Variants in PNPLA8 observed in about 807,000 individuals in gnomAD.
PNPLA8 encodes the protein patatin like domain 8, phospholipase A2.
A neutral mutation model predicts 76.9 loss-of-function variants in PNPLA8; 39 were observed. The ratio of observed to expected loss-of-function variants is 0.51; its 90% CI spans 0.39 to 0.66. The LOEUF (loss-of-function observed/expected upper bound fraction) is 0.66. PNPLA8 is among the 30% of genes least tolerant of loss of function. PNPLA8 has a pLI of 0.00. For missense variants in PNPLA8, 887 were observed against 918.0 expected (o/e 0.97, Z 0.44); for synonymous variants, 301 against 307.9 (o/e 0.98, Z 0.24).
Position 108,514,942 on chromosome 7 carries a change from T to A in PNPLA8, c.550A>T (p.Ile184Leu). 1 of 1,609,736 alleles carries A rather than the reference T, an allele frequency of 6.2e-7. No individual in the cohort carries two copies. Among genetic ancestry groups the A allele is most frequent in the Non-Finnish European group, 8.5e-7 (1 of 1,179,168 alleles). Residue 184 changes from isoleucine (I) to leucine (L), a missense_variant, in exon 3 of 11, where the codon ATA (isoleucine) becomes TTA (leucine). Coordinates refer to ENST00000257694, the MANE Select transcript of PNPLA8 (RefSeq NM_001256007.3). ...KSHIIDKEED[I>L]GKRSLFHYTS... ...TAATGAAAAAGACTGCGTTTACCTA[T>A]ATCTTCTTCTTTGTCTATAATGTGA...
chr7:108,482,248 A>G (rs1180120996), intron 9 of PNPLA8, among the ~76,000 whole-genome samples: 1 of 152,164 alleles, frequency 6.6e-6, no homozygotes. Context: ...AGGCAGGTGG[A>G]TTGCCTGAGC....
At chr7:108,487,651 GAAGA>G (rs753693220) in intron 9 of PNPLA8, 104 bp downstream of exon 9, 9 of 548,476 alleles carry the variant, frequency 1.6e-5, no homozygotes, top group South Asian at 4.3e-5. Flanking sequence ...AAGACACAAA[GAAGA>G]AAGTCTCCTA....
chr7:108,504,250 C>A lies in PNPLA8; in HGVS notation c.1207-1608G>T, dbSNP rs75868008. 9.8e-3 allele frequency among the ~76,000 whole-genome samples: 1,499 copies of A among 152,212 alleles called. 9 individuals carry two copies. The highest frequency in any genetic ancestry group is 0.015 in the Non-Finnish European group (1,011 of 68,016). ...ATGCAATTTTTTAAACTTACAATGT[C>A]CAGCATCCAGAAAAACTATAACGTA... On this transcript the variant is annotated intron_variant, in intron 4 of 10. Transcript: ENST00000257694.
chr7:108,502,670 G>T, intron 4 of PNPLA8, 28 bp from the exon 5 acceptor site: 1 of 1,563,254 alleles, frequency 6.4e-7, no homozygotes, highest in Non-Finnish European at 8.8e-7. Context: ...ATACTTTGTT[G>T]CTTTTGTCAA....
Position 108,516,122 on chromosome 7 carries a change from A to C in PNPLA8, c.-83-548T>G, listed in dbSNP as rs977324924. ...AAAAGATTTCACTACCTAAGTAATAAGTGCTCATTAAATCAAGTAAGTCAG... is the reference window on the plus strand; with the variant it reads ...AAAAGATTTCACTACCTAAGTAATACGTGCTCATTAAATCAAGTAAGTCAG... On this transcript the variant is annotated intron_variant, in intron 2 of 10. Coordinates refer to ENST00000257694, the MANE Select transcript of PNPLA8 (RefSeq NM_001256007.3). 4.4e-4 allele frequency among the ~76,000 whole-genome samples: 67 copies of C among 152,378 alleles called. 1 individual carries two copies. Among genetic ancestry groups the C allele is most frequent in the Middle Eastern group, 3.4e-3 (1 of 294 alleles).
intron 4 of PNPLA8, among the ~76,000 whole-genome samples, chr7:108,505,828 C>A (rs945519313): frequency 6.6e-5 from 10 of 152,176 alleles, no homozygotes; most frequent in South Asian, 6.2e-4. Flanking sequence ...ATTTGTAAGA[C>A]ATACACATAC....
chr7:108,518,756 T>TACAC (rs1478315521), intron 2 of PNPLA8, among the ~76,000 whole-genome samples: 10 of 126,086 alleles, frequency 7.9e-5, no homozygotes, highest in African/African-American at 3.1e-4. Context: ...TATATATATA[T>TACAC]ATACACACAC....
intron 4 of PNPLA8, among the ~76,000 whole-genome samples, chr7:108,513,805 G>A (rs996690872): frequency 1.3e-5 from 2 of 152,090 alleles, no homozygotes; most frequent in African/African-American, 4.8e-5. Flanking sequence ...TATGAATTAT[G>A]TCTCCTATCT....
At chr7:108,498,219 A>G (rs1039794968) in intron 5 of PNPLA8, among the ~76,000 whole-genome samples, 1 of 151,360 alleles carries the variant, frequency 6.6e-6, no homozygotes, top group African/African-American at 2.4e-5. Context: ...CTCTCTTACT[A>G]ACATAGTTGG....
chr7:108,480,757 C>A (rs552495220), intron 9 of PNPLA8: 3 of 401,312 alleles, frequency 7.5e-6, no homozygotes, highest in Non-Finnish European at 1.5e-5. Context: ...TCAGATTATA[C>A]AGTAAAATTA....
At chr7:108,503,274 A>AAG (rs1563964584) in intron 4 of PNPLA8, among the ~76,000 whole-genome samples, 1 of 152,196 alleles carries the variant, frequency 6.6e-6, no homozygotes, top group African/African-American at 2.4e-5. Context: ...CTTACCAAAG[A>AAG]TTCTCTAGCT....
Position 108,493,760 on chromosome 7 carries a change from G to A in PNPLA8, c.1626-2293C>T, listed in dbSNP as rs1400647148. Among the ~76,000 whole-genome samples, 3 of 151,514 alleles carry A rather than the reference G, an allele frequency of 2.0e-5. No homozygotes were observed. In the East Asian group the frequency reaches 5.8e-4, roughly 29 times the overall value. ...CCACAAAATAAGTGATACATTTCAT[G>A]TAATTTCCATCCAAATACCAGTGGA... is the stretch of plus-strand genomic sequence containing the variant. On this transcript the variant is annotated intron_variant, in intron 7 of 10. Transcript: ENST00000257694.
In PNPLA8 at chr7:108,470,463, G is replaced by A. The variant is rs1416482605; in HGVS notation, c.*1938C>T. ...ATTATTTAAGAAAGAAATAAGCCAAGCACAAATAAGGGACATACTTAACTT... is the reference window on the plus strand; with the variant it reads ...ATTATTTAAGAAAGAAATAAGCCAAACACAAATAAGGGACATACTTAACTT... On this transcript the variant is annotated 3_prime_UTR_variant, in exon 11 of 11. Transcript: ENST00000257694. 3 of 150,084 alleles carry A rather than the reference G, an allele frequency of 2.0e-5. No homozygotes were observed. The Admixed American group carries it at 2.0e-4, about 10-fold the overall frequency. 9.3% of individuals were successfully genotyped at this position (150,084 alleles called of 1,614,324 possible). A position where few individuals can be genotyped will look rare whatever the true frequency, so the allele number is the denominator to read the frequency against.
At chr7:108,523,921 G>A (rs146416408) in intron 1 of PNPLA8, among the ~76,000 whole-genome samples, 133 of 152,312 alleles carry the variant, frequency 8.7e-4, no homozygotes, top group African/African-American at 3.0e-3. Context: ...GGTAAAGAGA[G>A]GGAAGTGTTA....
At chr7:108,500,514 A>C (rs1291240716) in intron 5 of PNPLA8, among the ~76,000 whole-genome samples, 1 of 152,186 alleles carries the variant, frequency 6.6e-6, no homozygotes, top group Non-Finnish European at 1.5e-5. Context: ...TTTCCTCAAC[A>C]CCAATCTGTT....
chr7:108,490,509 C>T (rs960315060), intron 8 of PNPLA8, among the ~76,000 whole-genome samples: 4 of 152,164 alleles, frequency 2.6e-5, no homozygotes, highest in Admixed American at 6.5e-5. Flanking sequence ...GAAGGCTGGG[C>T]GCGGTGGCTC....
At chr7:108,511,040 GA>G (rs60102827) in intron 4 of PNPLA8, 34,954 of 353,198 alleles carry the variant, frequency 0.099, 83 homozygotes, top group Non-Finnish European at 0.11. Flanking sequence ...TCTCAAATTG[GA>G]AAAAAAAAAA....
intron 1 of PNPLA8, among the ~76,000 whole-genome samples, chr7:108,524,217 G>A (rs1863930505): frequency 6.6e-6 from 1 of 152,152 alleles, no homozygotes; most frequent in Non-Finnish European, 1.5e-5. Context: ...CCTGAGTAAA[G>A]CTTTTCTTCC....
intron 7 of PNPLA8, among the ~76,000 whole-genome samples, chr7:108,492,141 T>G (rs1185075488): frequency 6.6e-6 from 1 of 152,232 alleles, no homozygotes; most frequent in South Asian, 2.1e-4. Flanking sequence ...ATACAAAGAC[T>G]ATGGTTTCAC....
Sources: gnomAD v4.1 joint callset for allele counts (sites outside exome capture counted in the v4.1 genomes callset) on GRCh38, gnomAD v4.1.1 for gene constraint, MANE v1.5 for transcripts, NCBI Gene and HGNC (gene_info 2026-07-23, HGNC 2026-07-21) for gene names.